The following PHF24 variants were observed in gnomAD, a reference collection of about 807,000 sequenced individuals.
PHF24 encodes the protein Galpha inhibitory interacting protein.
Under a neutral mutation model 42.6 loss-of-function variants are expected in PHF24, and 25 were observed. The ratio of observed to expected loss-of-function variants is 0.59; its 90% CI spans 0.43 to 0.82. The LOEUF is 0.82. Among genes scored for constraint, PHF24 ranks in the 40% least tolerant of loss-of-function variants. The pLI is 0.00. For synonymous variants in PHF24, 185 were observed against 204.8 expected (o/e 0.90, Z 0.83); for missense variants, 470 against 538.1 (o/e 0.87, Z 1.25).
At chr9:34,737,982 G>A in the PHF24 span, among the ~76,000 whole-genome samples, 4 of 149,634 alleles carry the variant, frequency 2.7e-5, no homozygotes, top group East Asian at 2.0e-4. Context: ...CTCAGGATAC[G>A]TGCCCTTGAA....
the PHF24 span, among the ~76,000 whole-genome samples, chr9:34,811,395 A>G: frequency 6.6e-6 from 1 of 152,154 alleles, no homozygotes; most frequent in African/African-American, 2.4e-5. Flanking sequence ...AAATTAATTG[A>G]CATTATCTCT....
chr9:34,726,159 A>G, the PHF24 span: 1 of 1,273,536 alleles, frequency 7.9e-7, no homozygotes. Context: ...ACACATGAAC[A>G]CCAGGTCTGG....
At chr9:34,707,449 G>A in the PHF24 span, among the ~76,000 whole-genome samples, 2 of 152,234 alleles carry the variant, frequency 1.3e-5, no homozygotes, top group African/African-American at 4.8e-5. Flanking sequence ...TAGTGCAGTA[G>A]CTTGGAGTAG....
chr9:34,976,053 G>T (rs988663457), intron 3 of PHF24, 99 bp from the exon 4 acceptor site: 2 of 821,344 alleles, frequency 2.4e-6, no homozygotes, highest in Non-Finnish European at 4.2e-6. Context: ...AGATGATCTT[G>T]GAACTGCTTT....
chr9:34,724,952 C>G, the PHF24 span: 1 of 1,551,614 alleles, frequency 6.4e-7, no homozygotes, highest in Non-Finnish European at 8.7e-7. Context: ...AGACAAGACT[C>G]GGAGCAGCTT....
chr9:34,686,552 C>T, the PHF24 span, among the ~76,000 whole-genome samples: 7 of 152,180 alleles, frequency 4.6e-5, no homozygotes, highest in African/African-American at 1.7e-4. Flanking sequence ...CCCAACCTCT[C>T]CCTTGGGAGC....
intron 1 of PHF24, among the ~76,000 whole-genome samples, chr9:34,964,125 T>G (rs1267876180): frequency 6.6e-6 from 1 of 152,206 alleles, no homozygotes; most frequent in Non-Finnish European, 1.5e-5. Context: ...ATTCCTTTAC[T>G]CCACTTGCTC....
At chr9:34,792,650 G>C in the PHF24 span, among the ~76,000 whole-genome samples, 2 of 149,946 alleles carry the variant, frequency 1.3e-5, no homozygotes, top group African/African-American at 4.9e-5. Context: ...CTCCAGCCTG[G>C]GCAACAAAAG....
At chr9:34,837,179 A>G in the PHF24 span, 2 of 469,224 alleles carry the variant, frequency 4.3e-6, no homozygotes, top group South Asian at 1.6e-5. Flanking sequence ...TAGAGTTTTC[A>G]GAGTATCTGG....
At chr9:34,881,189 C>T in the PHF24 span, among the ~76,000 whole-genome samples, 22 of 152,270 alleles carry the variant, frequency 1.4e-4, no homozygotes, top group Admixed American at 1.3e-3. Context: ...ATACCAGAAT[C>T]TCTGGGACAC....
At chr9:34,899,238 G>A in the PHF24 span, among the ~76,000 whole-genome samples, 2 of 152,174 alleles carry the variant, frequency 1.3e-5, no homozygotes, top group Non-Finnish European at 2.9e-5. Flanking sequence ...GTGGACGCTG[G>A]AGGGCTGCAC....
At chr9:34,750,423 G>A in the PHF24 span, among the ~76,000 whole-genome samples, 2 of 151,888 alleles carry the variant, frequency 1.3e-5, no homozygotes, top group Non-Finnish European at 2.9e-5. Flanking sequence ...CCAGGAGGCA[G>A]AGGTTGCAGT....
chr9:34,947,761 C>T, the PHF24 span, among the ~76,000 whole-genome samples: 4 of 151,904 alleles, frequency 2.6e-5, no homozygotes, highest in Admixed American at 6.6e-5. Context: ...CGTGCGTGTT[C>T]GTGTCTTCAT....
At chr9:34,952,120 A>G in the PHF24 span, among the ~76,000 whole-genome samples, 14 of 152,328 alleles carry the variant, frequency 9.2e-5, no homozygotes, top group South Asian at 2.7e-3. Flanking sequence ...AGAGAACACA[A>G]TTGTCTGCAT....
At chr9:34,957,579 C>G (rs1826405585), upstream of PHF24, 1 of 152,216 alleles carries the variant, frequency 6.6e-6, no homozygotes, top group Non-Finnish European at 1.5e-5. Flanking sequence ...AGCACAGCCT[C>G]GCTGCTGGAG....
the PHF24 span, among the ~76,000 whole-genome samples, chr9:34,797,766 G>A: frequency 1.3e-5 from 2 of 151,990 alleles, no homozygotes; most frequent in Non-Finnish European, 2.9e-5. Context: ...GCAGGCCAGG[G>A]TGGCCGTGGG....
the PHF24 span, among the ~76,000 whole-genome samples, chr9:34,769,517 A>G: frequency 6.6e-6 from 1 of 152,196 alleles, no homozygotes; most frequent in Non-Finnish European, 1.5e-5. Context: ...ATGTGATCCC[A>G]ACAAAAATGC....
chr9:34,736,362 A>T, the PHF24 span, among the ~76,000 whole-genome samples: 1 of 152,182 alleles, frequency 6.6e-6, no homozygotes, highest in South Asian at 2.1e-4. Context: ...ACTGGAGTGC[A>T]GTGGCACAAT....
the PHF24 span, among the ~76,000 whole-genome samples, chr9:34,950,351 C>CAAAAAA: frequency 1.5e-5 from 1 of 68,286 alleles, no homozygotes; most frequent in Admixed American, 1.6e-4. Context: ...GACTCTGTCT[C>CAAAAAA]AAAAAAAAAA....
Sources: gnomAD v4.1 joint callset for allele counts (sites outside exome capture counted in the v4.1 genomes callset) on GRCh38, gnomAD v4.1.1 for gene constraint, MANE v1.5 for transcripts, NCBI Gene and HGNC (gene_info 2026-07-23, HGNC 2026-07-21) for gene names.